The following ZRSR2 variants were observed in gnomAD, a reference collection of about 807,000 sequenced individuals.
ZRSR2 encodes U2 small nuclear ribonucleoprotein auxiliary factor 35 kDa subunit-related protein 2.
Under a neutral mutation model 39.4 loss-of-function variants are expected in ZRSR2, and 3 were observed. The observed-to-expected ratio is 0.08, with a 90% CI of 0.03 to 0.20. The LOEUF is 0.20. Among genes scored for constraint, ZRSR2 ranks in the 10% least tolerant of loss-of-function variants. The probability of loss-of-function intolerance (pLI) is 1.00; values close to 1 mark genes in which losing one functional copy is unlikely to be tolerated. For synonymous variants in ZRSR2, 137 were observed against 136.0 expected, an observed-to-expected ratio of 1.01 and a Z score of -0.05; for missense variants, 256 against 391.5, an observed-to-expected ratio of 0.65 and a Z score of 2.92.
intron 2 of ZRSR2, among the ~76,000 whole-genome samples, chrX:15,792,249 C>G (rs751400096): frequency 8.9e-6 from 1 of 111,896 alleles, no homozygotes; most frequent in Non-Finnish European, 1.9e-5. Flanking sequence ...ATGATGAAAC[C>G]CTGCCTCTAC....
chrX:15,793,461 T>A (rs189703015), intron 2 of ZRSR2, among the ~76,000 whole-genome samples: 1 of 111,929 alleles, frequency 8.9e-6, no homozygotes. Flanking sequence ...TCTCTGCACT[T>A]CTGCTCCTAC....
At chrX:15,811,591 A>AT (rs908025510) in intron 7 of ZRSR2, among the ~76,000 whole-genome samples, 1 of 111,353 alleles carries the variant, frequency 9.0e-6, no homozygotes, top group Non-Finnish European at 1.9e-5. Context: ...CACCTGGCTA[A>AT]TTTTTTTTGT....
At chrX:15,820,424 C>A in intron 10 of ZRSR2, 108 bp downstream of exon 10, 1 of 710,693 alleles carries the variant, frequency 1.4e-6, no homozygotes, top group Non-Finnish European at 2.2e-6. Context: ...TAGCTTTTTG[C>A]CTCACACAGT....
rs772158868 is a variant in ZRSR2 at position 15,809,226 on chromosome X, C to T, written c.465C>T (p.Asn155=). 35 of 1,208,491 alleles carry T rather than the reference C, an allele frequency of 2.9e-5. No homozygotes were observed. Among genetic ancestry groups the T allele is most frequent in the Non-Finnish European group, 3.7e-5 (33 of 893,637 alleles). The change falls in exon 7 of 11, where the codon AAC becomes AAT. Residue 155 remains asparagine, a synonymous_variant. Coordinates refer to ENST00000307771, the MANE Select transcript of ZRSR2 (RefSeq NM_005089.4). ...TGGAAAATGGTACCACATGGCAAAA[C>T]CCAGAACCACCCGTGGATTTCAGAG... The part of the protein sequence containing the change: ...NELENGTTWQ[N]PEPPVDFRVM...
intron 2 of ZRSR2, among the ~76,000 whole-genome samples, chrX:15,792,058 G>A (rs897889111): frequency 1.4e-4 from 15 of 110,992 alleles, no homozygotes; most frequent in Admixed American, 3.8e-4. Context: ...CTTCCACCTC[G>A]GCCTCCCAAA....
At chrX:15,793,113 T>C (rs1932335955) in intron 2 of ZRSR2, among the ~76,000 whole-genome samples, 1 of 112,042 alleles carries the variant, frequency 8.9e-6, no homozygotes, top group Non-Finnish European at 1.9e-5. Flanking sequence ...GTTGGAGTTA[T>C]TGAGGCCCTT....
At chrX:15,814,458 G>A (rs972284552) in intron 7 of ZRSR2, among the ~76,000 whole-genome samples, 10 of 111,237 alleles carry the variant, frequency 9.0e-5, no homozygotes, top group African/African-American at 1.3e-4. Flanking sequence ...GCGAGACCCC[G>A]TCCCTACAAA....
chrX:15,790,544 C>T lies in ZRSR2; in HGVS notation c.41+8C>T. ...GTTTCCCGAGAAACCAAGGTAAGCGCCGTACGGGGAGATGAGCAGGCGAGC... is the reference window on the plus strand; with the variant it reads ...GTTTCCCGAGAAACCAAGGTAAGCGTCGTACGGGGAGATGAGCAGGCGAGC... On this transcript the variant is annotated splice_region_variant and intron_variant, in intron 1 of 10. Coordinates refer to ENST00000307771, the MANE Select transcript of ZRSR2 (RefSeq NM_005089.4). The T allele has an allele frequency of 3.5e-6, 4 of 1,159,136 alleles. No homozygotes were observed. The highest frequency in any genetic ancestry group is 4.6e-6 in the Non-Finnish European group (4 of 870,819).
chrX:15,804,280 C>CT, intron 5 of ZRSR2, 83 bp downstream of exon 5: 2 of 1,080,482 alleles, frequency 1.9e-6, no homozygotes, highest in Non-Finnish European at 2.4e-6. Flanking sequence ...TTTTTTTTCT[C>CT]TTTTTCTTGT....
At chrX:15,790,602 A>C (rs1412946968) in intron 1 of ZRSR2, 66 bp downstream of exon 1, 1 of 1,130,013 alleles carries the variant, frequency 8.8e-7, no homozygotes, top group African/African-American at 1.9e-5. Flanking sequence ...ATGTGGTGGC[A>C]GGAAGAAAAG....
Position 15,790,686 on chromosome X carries a change from C to T in ZRSR2, c.41+150C>T, listed in dbSNP as rs966015298. 29 of 826,298 alleles carry T rather than the reference C, an allele frequency of 3.5e-5. No homozygotes were observed. The Admixed American group carries it at 8.8e-4, about 25-fold the overall frequency. 68.1% of individuals were successfully genotyped at this position (826,298 alleles called of 1,213,427 possible). On this transcript the variant is annotated intron_variant, in intron 1 of 10. Transcript: ENST00000307771. ...CTGGTGCGCGCTCTGGTGCCCTCCCCGGACTTGCACGGGCGGCTGTGGCTC... is the reference window on the plus strand; with the variant it reads ...CTGGTGCGCGCTCTGGTGCCCTCCCTGGACTTGCACGGGCGGCTGTGGCTC...
intron 2 of ZRSR2, among the ~76,000 whole-genome samples, chrX:15,799,061 C>T (rs1263810027): frequency 9.1e-6 from 1 of 109,802 alleles, no homozygotes; most frequent in African/African-American, 3.3e-5. Flanking sequence ...TGGCGCGCGC[C>T]TGTAGTCCCA....
chrX:15,794,737 A>G (rs906179243), intron 2 of ZRSR2, among the ~76,000 whole-genome samples: 4 of 111,922 alleles, frequency 3.6e-5, no homozygotes, highest in African/African-American at 9.7e-5. Context: ...GCAGAAATAC[A>G]TTATAATTTC....
intron 5 of ZRSR2, 48 bp from the exon 6 acceptor site, chrX:15,808,185 T>C: frequency 8.8e-7 from 1 of 1,139,568 alleles, no homozygotes; most frequent in Non-Finnish European, 1.2e-6. Context: ...CAGATGTGAC[T>C]TACCTGACTT....
intron 7 of ZRSR2, among the ~76,000 whole-genome samples, chrX:15,811,690 T>G (rs1932885772): frequency 9.0e-6 from 1 of 111,647 alleles, no homozygotes; most frequent in Admixed American, 9.5e-5. Flanking sequence ...CCTCCCAAAG[T>G]GCTGGGATTA....
chrX:15,794,082 G>A (rs1184065904), intron 2 of ZRSR2, among the ~76,000 whole-genome samples: 1 of 112,259 alleles, frequency 8.9e-6, no homozygotes, highest in Admixed American at 9.4e-5. Flanking sequence ...ACTATAGCAT[G>A]ATTCTGTGTG....
At chrX:15,791,416 T>C (rs902058126) in intron 2 of ZRSR2, among the ~76,000 whole-genome samples, 1 of 111,928 alleles carries the variant, frequency 8.9e-6, no homozygotes, top group African/African-American at 3.2e-5. Flanking sequence ...TATGAGACCC[T>C]TGGTTTACCC....
chrX:15,796,816 CAG>C (rs1932484996), intron 2 of ZRSR2, among the ~76,000 whole-genome samples: 1 of 63,273 alleles, frequency 1.6e-5, no homozygotes, highest in African/African-American at 7.0e-5. Context: ...TTTTTTGAGA[CAG>C]AGTCTCGCTC....
intron 2 of ZRSR2, among the ~76,000 whole-genome samples, chrX:15,794,481 A>G (rs770333643): frequency 9.8e-5 from 11 of 112,244 alleles, no homozygotes; most frequent in Non-Finnish European, 2.1e-4. Flanking sequence ...TATATACCAT[A>G]TTCTTATAAT....
Sources: gnomAD v4.1 joint callset for allele counts (sites outside exome capture counted in the v4.1 genomes callset) on GRCh38, gnomAD v4.1.1 for gene constraint, MANE v1.5 for transcripts, NCBI Gene and HGNC (gene_info 2026-07-23, HGNC 2026-07-21) for gene names.